The following SLC7A9 variants were observed in gnomAD, a reference collection of about 807,000 sequenced individuals.
SLC7A9 encodes the protein solute carrier family 7 member 9, also known as B(0,+)-type amino acid transporter 1.
SLC7A9 carries 38 observed loss-of-function variants against 54.1 expected under a neutral mutation model. The ratio of observed to expected loss-of-function variants is 0.70; its 90% confidence interval spans 0.54 to 0.92. The LOEUF is 0.92. Ranked by LOEUF, SLC7A9 falls within the 40% of genes least tolerant of loss-of-function variation. SLC7A9 has a pLI of 0.00. For synonymous variants in SLC7A9, 264 were observed against 258.9 expected (o/e 1.02, Z -0.19); for missense variants, 537 against 636.1 (o/e 0.84, Z 1.68).
intron 11 of SLC7A9, among the ~76,000 whole-genome samples, chr19:32,835,102 C>T (rs926280464): frequency 3.9e-5 from 6 of 152,212 alleles, no homozygotes; most frequent in African/African-American, 9.6e-5. Context: ...CTGAATTAAA[C>T]TTTTAATTAA....
chr19:32,860,785 AT>A, intron 6 of SLC7A9, 135 bp from the exon 7 acceptor site: 2 of 1,276,460 alleles, frequency 1.6e-6, no homozygotes, highest in South Asian at 1.3e-5. Flanking sequence ...TTCCAGGTGA[AT>A]TTTTTTCCAG....
At chr19:32,852,126 A>G (rs193119654) in intron 9 of SLC7A9, among the ~76,000 whole-genome samples, 15 of 152,232 alleles carry the variant, frequency 9.9e-5, no homozygotes, top group Non-Finnish European at 1.8e-4. Context: ...TACATATGTA[A>G]CAAACCTGCA....
chr19:32,831,129 C>T (rs576592516), intron 12 of SLC7A9, among the ~76,000 whole-genome samples: 11 of 149,828 alleles, frequency 7.3e-5, no homozygotes, highest in South Asian at 2.1e-4. Context: ...CCTAGGCAGG[C>T]GGATCACGAG....
intron 10 of SLC7A9, among the ~76,000 whole-genome samples, chr19:32,843,349 C>G (rs139912786): frequency 6.6e-6 from 1 of 152,108 alleles, no homozygotes; most frequent in Admixed American, 6.5e-5. Flanking sequence ...CCCAGCTACT[C>G]GGAAGGCTGA....
chr19:32,862,422 G>T, intron 5 of SLC7A9, 39 bp downstream of exon 5: 1 of 1,611,472 alleles, frequency 6.2e-7, no homozygotes, highest in Non-Finnish European at 8.5e-7. Context: ...AAGGGCGTTT[G>T]GTGTGTGCCC....
chr19:32,866,110 A>C (rs73926160), intron 2 of SLC7A9, among the ~76,000 whole-genome samples: 4,797 of 152,168 alleles, frequency 0.032, 252 homozygotes, highest in African/African-American at 0.11. Context: ...TCCAGCACCC[A>C]TGTTCACCTG....
chr19:32,850,111 A>C (rs959656071), intron 9 of SLC7A9, among the ~76,000 whole-genome samples: 1 of 149,572 alleles, frequency 6.7e-6, no homozygotes, highest in African/African-American at 2.5e-5. Context: ...ATTCCCTTTG[A>C]AAACTGGCAC....
At chr19:32,850,648 T>C (rs1968441511) in intron 9 of SLC7A9, among the ~76,000 whole-genome samples, 1 of 152,118 alleles carries the variant, frequency 6.6e-6, no homozygotes, top group East Asian at 1.9e-4. Context: ...AAGCTACCAA[T>C]GACTTTCTTC....
rs180707378 is a variant in SLC7A9, at chr19:32,846,012, A to G, written c.978-2061T>C. ...GAGTGAGACTCTGTCTCAAAAAGAT[A>G]AATAAATAAGAATTGATGGGGGCAT... On this transcript the variant is annotated intron_variant, in intron 9 of 12. Transcript: ENST00000023064. Among the ~76,000 whole-genome samples, 296 of 152,290 alleles carry G rather than the reference A, an allele frequency of 1.9e-3. 1 individual carries two copies. The highest frequency in any genetic ancestry group is 6.6e-3 in the African/African-American group (274 of 41,570).
At position 32,830,580 on chromosome 19, in the gene SLC7A9, A is replaced by G. The variant is rs756489684; in HGVS notation, c.*40T>C. ...AAATAACCACAAATATTGCTTAAGA[A>G]AATAAATTCAGCTGACTTGGCTACA... is the stretch of plus-strand genomic sequence containing the variant. On this transcript the variant is annotated 3_prime_UTR_variant, in exon 13 of 13. Coordinates refer to ENST00000023064, the MANE Select transcript of SLC7A9 (RefSeq NM_014270.5). The G allele has an allele frequency of 6.7e-6, 10 of 1,489,956 alleles. No individual in the cohort carries two copies. The highest frequency in any genetic ancestry group is 9.4e-6 in the Non-Finnish European group (10 of 1,067,100). 92.3% of individuals were successfully genotyped at this position (1,489,956 alleles called of 1,614,324 possible). A position where few individuals can be genotyped will look rare whatever the true frequency, so the allele number is the denominator to read the frequency against.
intron 9 of SLC7A9, 102 bp from the exon 10 acceptor site, chr19:32,844,053 G>GA: frequency 1.2e-6 from 1 of 835,542 alleles, no homozygotes; most frequent in Non-Finnish European, 2.0e-6. Context: ...GCCCTCGGGA[G>GA]GCTCAGGAAG....
intron 9 of SLC7A9, among the ~76,000 whole-genome samples, chr19:32,845,729 C>G (rs755833728): frequency 9.2e-5 from 14 of 152,086 alleles, no homozygotes; most frequent in Admixed American, 4.6e-4. Flanking sequence ...GAATTGAGGC[C>G]AGGCACAGTG....
chr19:32,850,271 A>G (rs1195513353), intron 9 of SLC7A9, among the ~76,000 whole-genome samples: 1 of 147,480 alleles, frequency 6.8e-6, no homozygotes, highest in Non-Finnish European at 1.5e-5. Context: ...ATGATTGTAT[A>G]TCTAGATAAC....
At chr19:32,844,565 C>G (rs2145813592) in intron 9 of SLC7A9, among the ~76,000 whole-genome samples, 1 of 152,238 alleles carries the variant, frequency 6.6e-6, no homozygotes, top group African/African-American at 2.4e-5. Context: ...GGCACAGTGG[C>G]TCACACCTGT....
In SLC7A9 at chr19:32,843,886, C is replaced by A. The variant is rs772826926; in HGVS notation, c.1043G>T (p.Arg348Leu). 3 of 1,613,698 alleles carry A rather than the reference C, an allele frequency of 1.9e-6. No individual in the cohort carries two copies. Among genetic ancestry groups the A allele is most frequent in the Non-Finnish European group, 2.5e-6 (3 of 1,179,868 alleles). The change falls in exon 10 of 13, where the codon CGC (arginine) becomes CTC (leucine). Residue 348 changes from arginine to leucine, a missense_variant. Physicochemically the swap from Arg to Leu is moderately radical, Grantham distance 102 (BLOSUM62 -2). Coordinates refer to ENST00000023064, the MANE Select transcript of SLC7A9 (RefSeq NM_014270.5). The stretch of plus-strand genomic sequence containing the variant: ...GATGATGGCGGGGGCTGGAGTGAGG[C>A]GCCTGACGCTGATGTAAGAAAGCAC... The part of the protein sequence containing the change: ...LKVLSYISVR[R>L]LTPAPAIIFY...
intron 11 of SLC7A9, among the ~76,000 whole-genome samples, chr19:32,834,821 C>T (rs1393835834): frequency 6.6e-6 from 1 of 152,080 alleles, no homozygotes; most frequent in East Asian, 1.9e-4. Context: ...GACAGAGTCT[C>T]GCTCTGTCGC....
intron 11 of SLC7A9, among the ~76,000 whole-genome samples, chr19:32,834,001 GC>G (rs1372345111): frequency 1.3e-5 from 2 of 152,150 alleles, no homozygotes; most frequent in African/African-American, 4.8e-5. Context: ...CAGGATTAGT[GC>G]TGTATTCTGT....
chr19:32,848,100 C>T (rs1292398013), intron 9 of SLC7A9, among the ~76,000 whole-genome samples: 7 of 151,200 alleles, frequency 4.6e-5, no homozygotes, highest in African/African-American at 9.7e-5. Flanking sequence ...ATGTAAAGAC[C>T]ATCAAGGCTA....
At chr19:32,862,880 G>T in intron 4 of SLC7A9, 1 of 205,588 alleles carries the variant, frequency 4.9e-6, no homozygotes, top group Non-Finnish European at 9.7e-6. Flanking sequence ...AGGTTCTAGC[G>T]GGGGAGCGCA....
Sources: gnomAD v4.1 joint callset for allele counts (sites outside exome capture counted in the v4.1 genomes callset) on GRCh38, gnomAD v4.1.1 for gene constraint, MANE v1.5 for transcripts, NCBI Gene and HGNC (gene_info 2026-07-23, HGNC 2026-07-21) for gene names.